Variants in FARP2 observed in about 807,000 individuals in gnomAD.
The protein encoded by FARP2 is FERM, ARH/RhoGEF and pleckstrin domain protein 2.
In FARP2, 111 loss-of-function variants were observed where a neutral mutation model predicts 130.5. That is an observed-to-expected ratio of 0.85 (90% confidence interval 0.73 to 1.00). The LOEUF (loss-of-function observed/expected upper bound fraction) is 1.00. Among genes scored for constraint, FARP2 ranks in the 50% least tolerant of loss-of-function variants. The probability of loss-of-function intolerance (pLI) is 0.00; values close to 1 mark genes in which losing one functional copy is unlikely to be tolerated. For synonymous variants in FARP2, 504 were observed against 516.9 expected, an observed-to-expected ratio of 0.98 and a Z score of 0.34; for missense variants, 1,385 against 1,346.3, an observed-to-expected ratio of 1.03 and a Z score of -0.45.
rs1559762780 is a variant in FARP2, at chr2:241,431,706, T to G, written c.799T>G (p.Trp267Gly). 6.2e-7 allele frequency: 1 copy of G among 1,602,564 alleles called. No homozygotes were observed. The highest frequency in any genetic ancestry group is 1.1e-5 in the South Asian group (1 of 90,168). ...QGTTKINTFN[W>G]SKVRKLSFKR... ...CACCACCAAAATCAACACTTTCAAC[T>G]GGTCCAAGGTCCGTAAACTAAGCTT... Residue 267 changes from tryptophan (W) to glycine (G), a missense_variant, in exon 9 of 27, where the codon TGG (tryptophan) becomes GGG (glycine). Trp to Gly is a radical substitution (Grantham distance 184). Transcript: ENST00000264042.
chr2:241,449,907 T>C (rs2063605514), intron 13 of FARP2, among the ~76,000 whole-genome samples: 1 of 151,476 alleles, frequency 6.6e-6, no homozygotes, highest in African/African-American at 2.4e-5. Context: ...TTCAGGAGGC[T>C]GAGGCAGGAG....
intron 21 of FARP2, among the ~76,000 whole-genome samples, chr2:241,485,395 G>C (rs1316245420): frequency 7.4e-6 from 1 of 135,170 alleles, no homozygotes; most frequent in Non-Finnish European, 1.6e-5. Context: ...CCCTCCCTGT[G>C]GTCCTCCCTC....
Position 241,403,853 on chromosome 2 carries a change from T to A in FARP2, c.209T>A (p.Leu70Gln). The change falls in exon 3 of 27, where the codon CTG becomes CAG. Residue 70 changes from leucine (L) to glutamine (Q), a missense_variant. Physicochemically the swap from Leu to Gln is moderately radical, Grantham distance 113. Transcript: ENST00000264042. ...CCTAAATGCGATGGCCAGGTATTAC[T>A]GACACAAGTGTGGAAGCGTTTAAAC... ...IEPKCDGQVL[L>Q]TQVWKRLNLV... is the part of the protein sequence containing the mutation. 1.2e-6 allele frequency: 2 copies of A among 1,613,594 alleles called. No homozygotes were observed. Among genetic ancestry groups the A allele is most frequent in the South Asian group, 2.2e-5 (2 of 91,072 alleles).
chr2:241,403,501 C>T (rs2062246882), intron 2 of FARP2, among the ~76,000 whole-genome samples: 1 of 152,092 alleles, frequency 6.6e-6, no homozygotes, highest in African/African-American at 2.4e-5. Flanking sequence ...CGTGAGCCAC[C>T]GCACCTGGTG....
intron 8 of FARP2, among the ~76,000 whole-genome samples, chr2:241,428,456 A>G (rs934274873): frequency 4.6e-5 from 7 of 151,712 alleles, no homozygotes; most frequent in South Asian, 2.1e-4. Context: ...TCAGCCTCCC[A>G]AAGTGCTGGG....
intron 21 of FARP2, chr2:241,488,656 T>A (rs1250398857): frequency 6.6e-6 from 1 of 152,240 alleles, no homozygotes; most frequent in Non-Finnish European, 1.5e-5. Flanking sequence ...CGCCTCGGCC[T>A]CCCAAAGTGC....
chr2:241,368,046 A>G (rs1401154602), intron 1 of FARP2, among the ~76,000 whole-genome samples: 1 of 150,918 alleles, frequency 6.6e-6, no homozygotes, highest in Non-Finnish European at 1.5e-5. Context: ...TACTCAGTAC[A>G]TCATTATCAC....
At chr2:241,376,686 C>G (rs1282566475) in intron 2 of FARP2, among the ~76,000 whole-genome samples, 1 of 152,256 alleles carries the variant, frequency 6.6e-6, no homozygotes, top group Non-Finnish European at 1.5e-5. Context: ...TTCTGTCTTT[C>G]TGCCTCTTGA....
chr2:241,395,767 G>C (rs1434994616), intron 2 of FARP2: 1 of 152,114 alleles, frequency 6.6e-6, no homozygotes, highest in South Asian at 2.1e-4. Flanking sequence ...GGGAAAAAAG[G>C]GCTCTCCTGA....
rs1387995523 is a variant in FARP2, at chr2:241,402,847, T to TATATATATATATATAC, written c.184-966_184-965insCATATATATATATATA. ...TACACCCAGCTAATTTATATATATATATATATATATATATATATATATATA... is the reference window on the plus strand; with the variant it reads ...TACACCCAGCTAATTTATATATATATATATATATATATATACATATATATATATATATATATATATA... On this transcript the variant is annotated intron_variant, in intron 2 of 26. Coordinates refer to ENST00000264042, the MANE Select transcript of FARP2 (RefSeq NM_014808.4). Among the ~76,000 whole-genome samples, 8 of 7,296 alleles carry TATATATATATATATAC rather than the reference T, an allele frequency of 1.1e-3. No individual in the cohort carries two copies. In the East Asian group the frequency reaches 0.018, roughly 16 times the overall value. 4.8% of individuals were successfully genotyped at this position (7,296 alleles called of 152,430 possible).
In FARP2 at chr2:241,393,161, A is replaced by G. The variant is rs182182738; in HGVS notation, c.184-10667A>G. 1.2e-3 allele frequency among the ~76,000 whole-genome samples: 179 copies of G among 151,934 alleles called. 1 individual carries two copies. Among genetic ancestry groups the G allele is most frequent in the African/African-American group, 3.9e-3 (162 of 41,488 alleles). On this transcript the variant is annotated intron_variant, in intron 2 of 26. Coordinates refer to ENST00000264042, the MANE Select transcript of FARP2 (RefSeq NM_014808.4). ...CAGCCTTCTGAGTAGCTGGGACTAC[A>G]GGCACCTGCCACCACACCCGGCTAA...
At chr2:241,448,295 G>T (rs1049127252) in intron 13 of FARP2, among the ~76,000 whole-genome samples, 3 of 152,264 alleles carry the variant, frequency 2.0e-5, no homozygotes, top group African/African-American at 4.8e-5. Flanking sequence ...GCACCTGGGT[G>T]CCTAAATCCT....
chr2:241,364,536 G>A (rs1575449790), intron 1 of FARP2, among the ~76,000 whole-genome samples: 4 of 152,282 alleles, frequency 2.6e-5, no homozygotes, highest in Admixed American at 2.6e-4. Context: ...TAAGGCTACA[G>A]TTAAAAAATA....
At chr2:241,390,314 T>C (rs2150326666) in intron 2 of FARP2, among the ~76,000 whole-genome samples, 1 of 152,348 alleles carries the variant, frequency 6.6e-6, no homozygotes, top group African/African-American at 2.4e-5. Context: ...ACTAAGGAGA[T>C]GACAGCTGGC....
chr2:241,386,395 C>T (rs2061784312), intron 2 of FARP2, among the ~76,000 whole-genome samples: 3 of 152,166 alleles, frequency 2.0e-5, no homozygotes, highest in Non-Finnish European at 2.9e-5. Flanking sequence ...CATTGCTCCC[C>T]GCTCAGCAGT....
At chr2:241,458,686 A>C (rs534348742) in intron 14 of FARP2, among the ~76,000 whole-genome samples, 1 of 152,340 alleles carries the variant, frequency 6.6e-6, no homozygotes, top group East Asian at 1.9e-4. Context: ...TGGTACAAAA[A>C]AAAAAATGGC....
chr2:241,395,136 G>T (rs1053210126), intron 2 of FARP2, among the ~76,000 whole-genome samples: 13 of 152,100 alleles, frequency 8.5e-5, no homozygotes, highest in Non-Finnish European at 1.6e-4. Context: ...GTGGAAACCA[G>T]GATTCCTACT....
intron 13 of FARP2, among the ~76,000 whole-genome samples, chr2:241,454,095 T>C (rs956310087): frequency 6.6e-6 from 1 of 152,078 alleles, no homozygotes; most frequent in African/African-American, 2.4e-5. Context: ...GGAGTGGCCC[T>C]TTCTAATTTA....
intron 18 of FARP2, among the ~76,000 whole-genome samples, chr2:241,471,730 C>T (rs541484537): frequency 6.6e-5 from 10 of 152,026 alleles, no homozygotes; most frequent in African/African-American, 2.2e-4. Context: ...CTCCTGACCT[C>T]GTGATCCGCC....
Sources: gnomAD v4.1 joint callset for allele counts (sites outside exome capture counted in the v4.1 genomes callset) on GRCh38, gnomAD v4.1.1 for gene constraint, MANE v1.5 for transcripts, NCBI Gene and HGNC (gene_info 2026-07-23, HGNC 2026-07-21) for gene names.